EMP2: variants seen among roughly 807,000 people sequenced by gnomAD.
EMP2 encodes epithelial membrane protein 2.
In EMP2, 19 loss-of-function variants were observed where a neutral mutation model predicts 13.7. The ratio of observed to expected loss-of-function variants is 1.38; its 90% confidence interval spans 0.97 to 2.03. EMP2 has a LOEUF of 2.03. Among genes scored for constraint, EMP2 ranks in the 30% most tolerant of loss-of-function variants. The pLI, the probability that EMP2 is intolerant of heterozygous loss-of-function variation, is 0.00. For synonymous variants in EMP2, 97 were observed against 84.7 expected (o/e 1.15, Z -0.80); for missense variants, 253 against 220.7 (o/e 1.15, Z -0.93).
At chr16:10,568,005 A>G (rs2050920490) in intron 1 of EMP2, among the ~76,000 whole-genome samples, 1 of 152,214 alleles carries the variant, frequency 6.6e-6, no homozygotes, top group Admixed American at 6.5e-5. Context: ...CATACCCTTC[A>G]CCACCGTCTT....
Position 10,547,681 on chromosome 16 carries a change from A to T in EMP2, c.-60-4T>A. 6.6e-7 allele frequency: 1 copy of T among 1,515,574 alleles called. No individual in the cohort carries two copies. The highest frequency in any genetic ancestry group is 9.1e-7 in the Non-Finnish European group (1 of 1,096,180). 93.9% of individuals were successfully genotyped at this position (1,515,574 alleles called of 1,614,324 possible). On this transcript the variant is annotated splice_region_variant and splice_polypyrimidine_tract_variant and intron_variant, in intron 1 of 4. Transcript: ENST00000359543. Reference sequence around the variant, plus strand: ...TTAAAGCCCAGAGCGGGATGTGCTGAAGAGGGTAAGAAAGAGAAATTCAAA... The same window carrying T: ...TTAAAGCCCAGAGCGGGATGTGCTGTAGAGGGTAAGAAAGAGAAATTCAAA...
intron 1 of EMP2, among the ~76,000 whole-genome samples, chr16:10,556,062 C>T (rs1334454766): frequency 1.3e-5 from 2 of 152,152 alleles, no homozygotes; most frequent in African/African-American, 4.8e-5. Context: ...TCCATCATCT[C>T]AATACAGTCT....
chr16:10,580,532 G>A lies in EMP2; in HGVS notation c.-61+17C>T, dbSNP rs1269983462. On this transcript the variant is annotated intron_variant, in intron 1 of 4. Coordinates refer to ENST00000359543, the MANE Select transcript of EMP2 (RefSeq NM_001424.6). The surrounding 1 kb of genome is among the most constrained non-coding windows in gnomAD (Gnocchi z 4.3). ...CCCCCGATGTCGCCCCGCGCCCTGG[G>A]TGCGCCCACAACTCACCCGGCGCTG... 1 of 152,394 alleles carries A rather than the reference G, an allele frequency of 6.6e-6. No individual in the cohort carries two copies. The highest frequency in any genetic ancestry group is 6.5e-5 in the Admixed American group (1 of 15,294). The allele number at this position is 152,394 out of a possible 1,614,324, so 9.4% of individuals were successfully genotyped here. A position where few individuals can be genotyped will look rare whatever the true frequency, so the allele number is the denominator to read the frequency against.
intron 3 of EMP2, among the ~76,000 whole-genome samples, chr16:10,539,984 G>A (rs1241591445): frequency 2.0e-5 from 3 of 152,136 alleles, no homozygotes; most frequent in Non-Finnish European, 4.4e-5. Flanking sequence ...TGGGCACCAG[G>A]AATCTGTATT....
chr16:10,573,496 CAA>C lies in EMP2; in HGVS notation c.-61+7051_-61+7052del, dbSNP rs1246781406. On this transcript the variant is annotated intron_variant, in intron 1 of 4. Transcript: ENST00000359543. ...CATCATTTCCTTGTCTCTGGATTTT[CAA>C]AACAGTCCCTAACTGGTCCATCCAT... Among the ~76,000 whole-genome samples, 3 of 152,198 alleles carry C rather than the reference CAA, an allele frequency of 2.0e-5. No homozygotes were observed. The East Asian group carries it at 5.8e-4, about 29-fold the overall frequency.
chr16:10,554,568 G>C (rs1269845198), intron 1 of EMP2, among the ~76,000 whole-genome samples: 1 of 152,152 alleles, frequency 6.6e-6, no homozygotes, highest in Non-Finnish European at 1.5e-5. Flanking sequence ...CTGTGTGTTG[G>C]ATGAAGACTG....
chr16:10,556,342 T>C (rs1472831934), intron 1 of EMP2, among the ~76,000 whole-genome samples: 1 of 152,130 alleles, frequency 6.6e-6, no homozygotes, highest in Non-Finnish European at 1.5e-5. Context: ...AAATGTATGG[T>C]TTTGGTTACA....
intron 1 of EMP2, among the ~76,000 whole-genome samples, chr16:10,578,795 C>A (rs1035477331): frequency 6.6e-6 from 1 of 152,272 alleles, no homozygotes; most frequent in Non-Finnish European, 1.5e-5. Flanking sequence ...GTGGTGAGAT[C>A]CAAAAACCCT....
At chr16:10,550,362 C>T (rs1381257830) in intron 1 of EMP2, among the ~76,000 whole-genome samples, 2 of 152,182 alleles carry the variant, frequency 1.3e-5, no homozygotes, top group Non-Finnish European at 2.9e-5. Context: ...ACTGCATTTT[C>T]GTTTCAGGTC....
chr16:10,575,291 T>C (rs2142214374), intron 1 of EMP2, among the ~76,000 whole-genome samples: 2 of 122,806 alleles, frequency 1.6e-5, no homozygotes, highest in East Asian at 5.4e-4. Context: ...TCTCGCTCCG[T>C]CGCCCAGGCT....
chr16:10,543,540 T>C, intron 3 of EMP2, 30 bp downstream of exon 3: 6 of 1,611,798 alleles, frequency 3.7e-6, no homozygotes, highest in Non-Finnish European at 5.1e-6. Flanking sequence ...CCTCAGTGCT[T>C]CTCAGTCAGC....
chr16:10,542,448 C>CT (rs1457994053), intron 3 of EMP2, among the ~76,000 whole-genome samples: 1 of 151,838 alleles, frequency 6.6e-6, no homozygotes, highest in African/African-American at 2.4e-5. Flanking sequence ...CCCTCCCCCC[C>CT]CACCAACAAA....
intron 1 of EMP2, among the ~76,000 whole-genome samples, chr16:10,556,263 T>C (rs1018978165): frequency 9.2e-5 from 14 of 152,228 alleles, no homozygotes; most frequent in Non-Finnish European, 1.2e-4. Flanking sequence ...ATTTTCCATA[T>C]TGCTTCAGTT....
intron 2 of EMP2, chr16:10,546,961 C>G (rs1231939668): frequency 6.6e-6 from 1 of 152,206 alleles, no homozygotes; most frequent in African/African-American, 2.4e-5. Flanking sequence ...CTGCCAGGAC[C>G]TGCCACCAAA....
At chr16:10,558,856 T>A (rs952936509) in intron 1 of EMP2, 9 of 152,302 alleles carry the variant, frequency 5.9e-5, no homozygotes, top group African/African-American at 2.2e-4. Flanking sequence ...GACCGCTCCG[T>A]CCGCCCAACT....
chr16:10,547,087 G>A (rs1319790850), intron 2 of EMP2: 1 of 153,296 alleles, frequency 6.5e-6, no homozygotes, highest in Non-Finnish European at 1.5e-5. Context: ...GTTGAACCTT[G>A]GCAGGTTCAA....
chr16:10,537,205 A>C (rs2050654302), intron 4 of EMP2, among the ~76,000 whole-genome samples: 1 of 152,188 alleles, frequency 6.6e-6, no homozygotes, highest in South Asian at 2.1e-4. Context: ...CGTCACTGAG[A>C]AACAACAAAT....
At chr16:10,557,373 C>A (rs1437960441) in intron 1 of EMP2, among the ~76,000 whole-genome samples, 21 of 140,786 alleles carry the variant, frequency 1.5e-4, no homozygotes, top group Admixed American at 3.5e-4. Context: ...AAAAAAAAAA[C>A]CCAGAAAACA....
chr16:10,533,190 T>C, intron 4 of EMP2, 98 bp from the exon 5 acceptor site: 1 of 1,116,012 alleles, frequency 9.0e-7, no homozygotes, highest in Non-Finnish European at 1.2e-6. Context: ...AAACTTCAGC[T>C]TTTATTCTTT....
Sources: allele counts gnomAD v4.1 joint callset (sites outside exome capture counted in the v4.1 genomes callset), GRCh38; gene constraint gnomAD v4.1.1; non-coding constraint Gnocchi (gnomAD v3.1); transcripts MANE v1.5; gene names NCBI Gene and HGNC (gene_info 2026-07-23, HGNC 2026-07-21).